TDRD6: variants seen among roughly 807,000 people sequenced by gnomAD.
TDRD6 encodes tudor domain containing 6, also known as tudor domain-containing protein 6.
Under a neutral mutation model 157.5 loss-of-function variants are expected in TDRD6, and 186 were observed. The observed-to-expected ratio is 1.18, with a 90% CI of 1.05 to 1.33. The LOEUF (loss-of-function observed/expected upper bound fraction) is 1.33, where lower values mean the gene tolerates loss of function less well. Ranked by LOEUF, TDRD6 falls within the 40% of genes most tolerant of loss-of-function variation. The probability of loss-of-function intolerance (pLI) is 0.00; values close to 1 mark genes in which losing one functional copy is unlikely to be tolerated. For missense variants in TDRD6, 3,066 were observed against 2,508.0 expected (o/e 1.22, Z -4.75); for synonymous variants, 1,075 against 945.2 (o/e 1.14, Z -2.52).
chr6:46,689,233 A>G lies in TDRD6; in HGVS notation c.1105A>G (p.Met369Val). 1 of 1,614,118 alleles carries G rather than the reference A, an allele frequency of 6.2e-7. No individual in the cohort carries two copies. The highest frequency in any genetic ancestry group is 8.5e-7 in the Non-Finnish European group (1 of 1,180,010). ...LRYLLPEYFRMPVVTYPCALY... is the reference protein window; with the variant it reads ...LRYLLPEYFRVPVVTYPCALY... ...GTACTTGCTGCCTGAATATTTTCGA[A>G]TGCCGGTGGTGACCTACCCTTGTGC... The change falls in exon 1 of 4, where the codon ATG becomes GTG. Residue 369 changes from methionine to valine, a missense_variant. Transcript: ENST00000316081.
the TDRD6 span, among the ~76,000 whole-genome samples, chr6:46,681,159 GTTCTC>G: frequency 1.3e-5 from 2 of 152,104 alleles, no homozygotes; most frequent in African/African-American, 4.8e-5. Context: ...AAATCATTTT[GTTCTC>G]TTCTTCAGAA....
chr6:46,689,513 C>A lies in TDRD6; in HGVS notation c.1385C>A (p.Ser462Tyr). Residue 462 changes from serine to tyrosine, a missense_variant, in exon 1 of 4, where the codon TCT becomes TAT. Coordinates refer to ENST00000316081, the MANE Select transcript of TDRD6 (RefSeq NM_001010870.3). ...GAGGAGGAACCAGAAACATCTCAGT[C>A]TCAGTCTCCTGCTGAAGAAGTAGAT... ...TEEEEPETSQ[S>Y]QSPAEEVDEE... is the part of the protein sequence containing the mutation. The A allele has an allele frequency of 6.2e-7, 1 of 1,614,056 alleles. No homozygotes were observed. The highest frequency in any genetic ancestry group is 8.5e-7 in the Non-Finnish European group (1 of 1,180,048).
intron 3 of TDRD6, among the ~76,000 whole-genome samples, chr6:46,701,223 CT>C (rs903377859): frequency 6.6e-5 from 10 of 152,188 alleles, no homozygotes; most frequent in South Asian, 2.1e-4. Context: ...TTTAAATATA[CT>C]TATGGAGATA....
upstream of TDRD6, among the ~76,000 whole-genome samples, chr6:46,684,207 A>G (rs1562048884): frequency 6.6e-6 from 1 of 152,196 alleles, no homozygotes. Flanking sequence ...TTAAATTTTT[A>G]AAAGCTTTTT....
Position 46,690,663 on chromosome 6 carries a change from G to A in TDRD6, c.2535G>A (p.Glu845=), listed in dbSNP as rs1262536542. 3 of 1,614,178 alleles carry A rather than the reference G, an allele frequency of 1.9e-6. No homozygotes were observed. The highest frequency in any genetic ancestry group is 1.6e-4 in the Middle Eastern group (1 of 6,062). ...TTATTAGTGGGATACAGTCTGTGGA[G>A]CATGTCAATGTAACATTTGTAGATT... ...RALISGIQSV[E]HVNVTFVDYG... The change falls in exon 1 of 4, where the codon GAG becomes GAA. Residue 845 remains glutamate, a synonymous_variant. Transcript: ENST00000316081.
chr6:46,700,585 A>G (rs1248079301), intron 3 of TDRD6, among the ~76,000 whole-genome samples: 2 of 152,118 alleles, frequency 1.3e-5, no homozygotes, highest in African/African-American at 4.8e-5. Context: ...ACATGATGCT[A>G]TTGGTTGTTA....
chr6:46,684,702 G>T (rs1032909730), upstream of TDRD6, among the ~76,000 whole-genome samples: 1 of 151,822 alleles, frequency 6.6e-6, no homozygotes, highest in Non-Finnish European at 1.5e-5. Flanking sequence ...CCTTGTTATT[G>T]CTGTGTAGGA....
chr6:46,689,155 G>A lies in TDRD6; in HGVS notation c.1027G>A (p.Val343Met). ...ETFRPQRCAQ[V>M]LHVDYGRKEL... ...TTTTCGGCCCCAGCGCTGTGCCCAG[G>A]TGCTTCATGTGGACTATGGAAGGAA... Residue 343 changes from valine to methionine, a missense_variant, in exon 1 of 4, where the codon GTG becomes ATG. By Grantham distance (21) the Val-to-Met change is conservative (BLOSUM62 1). Transcript: ENST00000316081. The A allele has an allele frequency of 1.2e-6, 2 of 1,614,222 alleles. No individual in the cohort carries two copies. Among genetic ancestry groups the A allele is most frequent in the Non-Finnish European group, 1.7e-6 (2 of 1,180,052 alleles).
Position 46,689,168 on chromosome 6 carries a change from A to C in TDRD6, c.1040A>C (p.Asp347Ala), listed in dbSNP as rs1361394021. ...CGCTGTGCCCAGGTGCTTCATGTGGACTATGGAAGGAAGGAGTTAGTGAGT... is the reference window on the plus strand; with the variant it reads ...CGCTGTGCCCAGGTGCTTCATGTGGCCTATGGAAGGAAGGAGTTAGTGAGT... ...PQRCAQVLHV[D>A]YGRKELVSCS... Residue 347 changes from aspartate (D) to alanine (A), a missense_variant, in exon 1 of 4, where the codon GAC becomes GCC. Coordinates refer to ENST00000316081, the MANE Select transcript of TDRD6 (RefSeq NM_001010870.3). The C allele has an allele frequency of 6.2e-7, 1 of 1,614,168 alleles. No homozygotes were observed.
chr6:46,699,277 C>G (rs751034112), intron 3 of TDRD6, among the ~76,000 whole-genome samples: 3 of 152,074 alleles, frequency 2.0e-5, no homozygotes, highest in Non-Finnish European at 4.4e-5. Flanking sequence ...TCTGTTTGCC[C>G]GTAAGAGCGA....
the TDRD6 span, among the ~76,000 whole-genome samples, chr6:46,681,732 T>C: frequency 1.6e-4 from 25 of 152,356 alleles, no homozygotes; most frequent in East Asian, 2.7e-3. Flanking sequence ...TGTCCTGATA[T>C]AGTTCTGAGT....
intron 3 of TDRD6, among the ~76,000 whole-genome samples, chr6:46,701,588 G>A (rs1764624827): frequency 1.3e-5 from 2 of 152,054 alleles, no homozygotes; most frequent in African/African-American, 4.8e-5. Context: ...TATCAGCCTT[G>A]TTCACACCAT....
intron 3 of TDRD6, among the ~76,000 whole-genome samples, chr6:46,698,440 G>A (rs1012615155): frequency 4.6e-5 from 7 of 151,846 alleles, no homozygotes; most frequent in African/African-American, 1.7e-4. Flanking sequence ...TGACCAGTTT[G>A]GTTTTCTTTT....
Position 46,692,922 on chromosome 6 carries a change from A to G in TDRD6, c.4794A>G (p.Val1598=), listed in dbSNP as rs780862108. ...LITNICEDYL[V]SVRLVDFGNI... The stretch of plus-strand genomic sequence containing the variant: ...CTAATATTTGTGAAGATTATCTTGT[A>G]TCTGTCAGGCTTGTGGACTTTGGAA... The change falls in exon 1 of 4, where the codon GTA becomes GTG. Residue 1598 remains valine (V), a synonymous_variant. Transcript: ENST00000316081. 8 of 1,613,996 alleles carry G rather than the reference A, an allele frequency of 5.0e-6. No homozygotes were observed. Among genetic ancestry groups the G allele is most frequent in the Non-Finnish European group, 5.9e-6 (7 of 1,180,020 alleles).
At chr6:46,701,442 G>C (rs912262282) in intron 3 of TDRD6, among the ~76,000 whole-genome samples, 1 of 151,946 alleles carries the variant, frequency 6.6e-6, no homozygotes, top group African/African-American at 2.4e-5. Context: ...CTGGTTCTTG[G>C]TATTGCACAT....
chr6:46,690,293 C>T lies in TDRD6; in HGVS notation c.2165C>T (p.Ala722Val). Residue 722 changes from alanine (A) to valine (V), a missense_variant, in exon 1 of 4, where the codon GCT becomes GTT. By Grantham distance (64) the Ala-to-Val change is moderately conservative. Transcript: ENST00000316081. ...AATAAAACCACATCTGTTTCAAAAG[C>T]TTTGAGTGACACAACAGTTGTAACA... ...RENKTTSVSK[A>V]LSDTTVVTNG... The T allele has an allele frequency of 1.2e-6, 2 of 1,613,468 alleles. No homozygotes were observed. Among genetic ancestry groups the T allele is most frequent in the South Asian group, 2.2e-5 (2 of 91,076 alleles).
chr6:46,698,006 C>G lies in TDRD6; in HGVS notation c.6180C>G (p.Asn2060Lys). The change falls in exon 3 of 4, where the codon AAC (asparagine) becomes AAG (lysine). Residue 2060 changes from asparagine to lysine, a missense_variant. Transcript: ENST00000316081. Reference sequence around the variant, plus strand: ...TTTGTTTTCTCCTGTAGGTTTTGAACCTTTCAAATGGTATGGAGGAGATAG... The same window carrying G: ...TTTGTTTTCTCCTGTAGGTTTTGAAGCTTTCAAATGGTATGGAGGAGATAG... The part of the protein sequence containing the change: ...ETAEEGTRVL[N>K]LSNGMEEIVN... 1 of 1,591,258 alleles carries G rather than the reference C, an allele frequency of 6.3e-7. No individual in the cohort carries two copies. The highest frequency in any genetic ancestry group is 8.6e-7 in the Non-Finnish European group (1 of 1,166,942).
chr6:46,690,392 G>C lies in TDRD6; in HGVS notation c.2264G>C (p.Cys755Ser). The change falls in exon 1 of 4, where the codon TGC becomes TCC. Residue 755 changes from cysteine (C) to serine (S), a missense_variant. Transcript: ENST00000316081. ...GTTTATTTTCCTCTTATGCAGAATT[G>C]CTTGGAAATTAAGCCAGGCTCCTCT... ...ASVYFPLMQN[C>S]LEIKPGSSSK... 2 of 1,613,886 alleles carry C rather than the reference G, an allele frequency of 1.2e-6. No homozygotes were observed. Among genetic ancestry groups the C allele is most frequent in the Non-Finnish European group, 1.7e-6 (2 of 1,180,028 alleles).
chr6:46,685,203 G>A (rs1290846570), upstream of TDRD6, among the ~76,000 whole-genome samples: 1 of 151,808 alleles, frequency 6.6e-6, no homozygotes, highest in Non-Finnish European at 1.5e-5. Context: ...TCAGACGTGT[G>A]GTTTGCAAAT....
Sources: allele counts gnomAD v4.1 joint callset (sites outside exome capture counted in the v4.1 genomes callset), GRCh38; gene constraint gnomAD v4.1.1; transcripts MANE v1.5; gene names NCBI Gene and HGNC (gene_info 2026-07-23, HGNC 2026-07-21).